PLD5: variants seen among roughly 807,000 people sequenced by gnomAD.
PLD5 encodes inactive phospholipase D5.
PLD5 carries 36 observed loss-of-function variants against 61.1 expected under a neutral mutation model. That is an observed-to-expected ratio of 0.59 (90% confidence interval 0.45 to 0.78). The LOEUF is 0.78. Among genes scored for constraint, PLD5 ranks in the 30% least tolerant of loss-of-function variants. PLD5 has a pLI of 0.00. For missense variants in PLD5, 515 were observed against 644.4 expected (o/e 0.80, Z 2.17); for synonymous variants, 243 against 242.8 (o/e 1.00, Z -0.01).
chr1:242,197,106 C>T lies in PLD5; in HGVS notation c.735+22882G>A, dbSNP rs147879614. Among the ~76,000 whole-genome samples the T allele has an allele frequency of 5.1e-4, 77 of 152,152 alleles. 1 individual carries two copies. Among genetic ancestry groups the T allele is most frequent in the East Asian group, 4.7e-3 (24 of 5,150 alleles). On this transcript the variant is annotated intron_variant, in intron 5 of 9. Transcript: ENST00000536534. ...AGTCTTGGGCTTCTTTCAGAGGATA[C>T]GGGACAACGAGGAACCCAGGCCGAG...
chr1:242,512,876 CTT>C (rs879410650), intron 1 of PLD5, among the ~76,000 whole-genome samples: 3 of 132,432 alleles, frequency 2.3e-5, no homozygotes. Flanking sequence ...TTTATTTTTT[CTT>C]TTTTTTTTTT....
chr1:242,458,310 T>G (rs1667006554), intron 1 of PLD5, among the ~76,000 whole-genome samples: 1 of 152,266 alleles, frequency 6.6e-6, no homozygotes. Context: ...ATTGTTGATT[T>G]GGCTCCCAAA....
rs398038597 is a variant in PLD5, at chr1:242,451,459, C to CTTTTT, written c.189+72624_189+72628dup. Among the ~76,000 whole-genome samples the CTTTTT allele has an allele frequency of 1.6e-3, 181 of 115,104 alleles. 4 individuals carry two copies. Among genetic ancestry groups the CTTTTT allele is most frequent in the Non-Finnish European group, 2.2e-3 (126 of 57,908 alleles). The allele number at this position is 115,104 out of a possible 152,430, so 75.5% of individuals were successfully genotyped here. ...AAACATGTTATTCCTGTATCAAATT[C>CTTTTT]TTTTTTTTTTTTTTTTTTTGAGAGG... On this transcript the variant is annotated intron_variant, in intron 1 of 9. Coordinates refer to ENST00000536534, the MANE Select transcript of PLD5 (RefSeq NM_001372062.1).
intron 1 of PLD5, among the ~76,000 whole-genome samples, chr1:242,392,275 G>A (rs893088538): frequency 6.6e-6 from 1 of 152,062 alleles, no homozygotes; most frequent in African/African-American, 2.4e-5. Context: ...GGGAGAGAGA[G>A]GGCAAGAGTT....
intron 2 of PLD5, among the ~76,000 whole-genome samples, chr1:242,319,716 C>G (rs1658259267): frequency 6.6e-6 from 1 of 152,194 alleles, no homozygotes; most frequent in Admixed American, 6.5e-5. Context: ...ACTGAAAAGT[C>G]ATCTCTCCAC....
At chr1:242,414,525 G>T (rs1176786458) in intron 1 of PLD5, among the ~76,000 whole-genome samples, 2 of 152,182 alleles carry the variant, frequency 1.3e-5, no homozygotes, top group Non-Finnish European at 2.9e-5. Context: ...CTGTATCTCA[G>T]ATCAGTTGAG....
chr1:242,308,989 CG>C (rs1488839220), intron 2 of PLD5, among the ~76,000 whole-genome samples: 2 of 151,538 alleles, frequency 1.3e-5, no homozygotes, highest in Non-Finnish European at 2.9e-5. Context: ...GAAAGTGGAG[CG>C]GGGAAAAAGA....
At chr1:242,189,444 T>TTAA in intron 5 of PLD5, among the ~76,000 whole-genome samples, 1 of 42,860 alleles carries the variant, frequency 2.3e-5, no homozygotes, top group East Asian at 7.0e-4. Context: ...AGACTCCATC[T>TTAA]CAAAAAAAAA....
chr1:242,509,663 A>C (rs1668841670), intron 1 of PLD5, among the ~76,000 whole-genome samples: 1 of 152,168 alleles, frequency 6.6e-6, no homozygotes, highest in Non-Finnish European at 1.5e-5. Context: ...TTGTCTTCTT[A>C]TTACCTCATT....
At chr1:242,498,707 C>G (rs536711684) in intron 1 of PLD5, among the ~76,000 whole-genome samples, 1 of 152,294 alleles carries the variant, frequency 6.6e-6, no homozygotes, top group East Asian at 1.9e-4. Flanking sequence ...GGCTCCCACT[C>G]CCCACAATTG....
intron 5 of PLD5, among the ~76,000 whole-genome samples, chr1:242,200,002 G>A (rs1668884257): frequency 6.6e-6 from 1 of 152,132 alleles, no homozygotes; most frequent in Non-Finnish European, 1.5e-5. Flanking sequence ...AAATTGCCCA[G>A]AGCTAAGAGT....
chr1:242,285,493 G>A (rs1198152839), intron 3 of PLD5, among the ~76,000 whole-genome samples: 2 of 152,086 alleles, frequency 1.3e-5, no homozygotes, highest in African/African-American at 4.8e-5. Flanking sequence ...GCAAAACTCT[G>A]TCTCAAAAAA....
At chr1:242,242,104 A>G (rs1672095505) in intron 4 of PLD5, among the ~76,000 whole-genome samples, 1 of 151,090 alleles carries the variant, frequency 6.6e-6, no homozygotes, top group African/African-American at 2.4e-5. Flanking sequence ...AAAAATCCAA[A>G]TCAGATCAAG....
intron 5 of PLD5, among the ~76,000 whole-genome samples, chr1:242,213,601 T>G (rs1384602243): frequency 6.6e-6 from 1 of 152,048 alleles, no homozygotes. Context: ...CAACTGGCTC[T>G]GCCCCACTTT....
intron 2 of PLD5, among the ~76,000 whole-genome samples, chr1:242,310,710 G>A (rs2796078): frequency 1.9e-3 from 286 of 152,258 alleles, no homozygotes; most frequent in African/African-American, 6.4e-3. Flanking sequence ...ACAGAATTAA[G>A]GAAATAACTA....
rs568913890 is a variant in PLD5, at chr1:242,142,830, G to A, written c.736-18165C>T. ...GTACCTCTGCCTCCCATGTTCAAGC[G>A]ATTCTCCTGCCTCAGCCTCTCAAGT... is the stretch of plus-strand genomic sequence containing the variant. On this transcript the variant is annotated intron_variant, in intron 5 of 9. Coordinates refer to ENST00000536534, the MANE Select transcript of PLD5 (RefSeq NM_001372062.1). 2.0e-3 allele frequency among the ~76,000 whole-genome samples: 307 copies of A among 151,938 alleles called. 1 individual carries two copies. Among genetic ancestry groups the A allele is most frequent in the Non-Finnish European group, 3.5e-3 (240 of 67,946 alleles).
intron 4 of PLD5, among the ~76,000 whole-genome samples, chr1:242,221,169 T>A (rs1222284234): frequency 6.6e-6 from 1 of 152,232 alleles, no homozygotes; most frequent in Non-Finnish European, 1.5e-5. Flanking sequence ...TGTGGTAGGA[T>A]CCAGTGTCAA....
At chr1:242,342,482 A>C (rs982640424) in intron 2 of PLD5, among the ~76,000 whole-genome samples, 7 of 152,212 alleles carry the variant, frequency 4.6e-5, no homozygotes, top group African/African-American at 1.7e-4. Context: ...CACAAGAATG[A>C]GGTACGAGGA....
At chr1:242,339,741 C>T (rs988807297) in intron 2 of PLD5, among the ~76,000 whole-genome samples, 5 of 152,052 alleles carry the variant, frequency 3.3e-5, no homozygotes, top group Admixed American at 6.6e-5. Context: ...AGATAAAAAT[C>T]GAAGGAGGGA....
Sources: allele counts gnomAD v4.1 joint callset (sites outside exome capture counted in the v4.1 genomes callset), GRCh38; gene constraint gnomAD v4.1.1; transcripts MANE v1.5; gene names NCBI Gene and HGNC (gene_info 2026-07-23, HGNC 2026-07-21).